Variants in SNX13 observed in about 807,000 individuals in gnomAD.
The protein encoded by SNX13 is sorting nexin-13.
In SNX13, 45 loss-of-function variants were observed where a neutral mutation model predicts 133.6. The ratio of observed to expected loss-of-function variants is 0.34; its 90% CI spans 0.27 to 0.43. SNX13 has a LOEUF of 0.43. SNX13 is among the 20% of genes least tolerant of loss of function. SNX13 has a pLI of 1.00. For missense variants in SNX13, 1,032 were observed against 1,145.1 expected, an observed-to-expected ratio of 0.90 and a Z score of 1.43; for synonymous variants, 414 against 373.9, an observed-to-expected ratio of 1.11 and a Z score of -1.24.
intron 9 of SNX13, among the ~76,000 whole-genome samples, chr7:17,863,202 G>T (rs978305259): frequency 6.6e-6 from 1 of 151,988 alleles, no homozygotes; most frequent in African/African-American, 2.4e-5. Context: ...CTTCACTTGC[G>T]CTGACTGACA....
intron 1 of SNX13, among the ~76,000 whole-genome samples, chr7:17,937,254 T>C (rs1218453824): frequency 1.3e-5 from 2 of 152,054 alleles, no homozygotes; most frequent in African/African-American, 4.8e-5. Context: ...AATGTACATA[T>C]TAGTTTGCTC....
intron 3 of SNX13, among the ~76,000 whole-genome samples, chr7:17,892,607 T>G (rs768733709): frequency 6.6e-6 from 1 of 152,030 alleles, no homozygotes; most frequent in Non-Finnish European, 1.5e-5. Flanking sequence ...TAAAAGTCAG[T>G]GGAATAGAGT....
At chr7:17,907,269 G>A (rs1306876907) in intron 1 of SNX13, 1 of 152,090 alleles carries the variant, frequency 6.6e-6, no homozygotes, top group Non-Finnish European at 1.5e-5. Flanking sequence ...AATCTTCTAA[G>A]CCCAGGGACT....
At position 17,850,416 on chromosome 7, in the gene SNX13, A is replaced by G; in HGVS notation, c.996T>C (p.Asn332=). 6.3e-7 allele frequency: 1 copy of G among 1,580,230 alleles called. No individual in the cohort carries two copies. Among genetic ancestry groups the G allele is most frequent in the South Asian group, 1.2e-5 (1 of 85,546 alleles). The stretch of plus-strand genomic sequence containing the variant: ...TTACGAATAGTAAGCTATTTATTTG[A>G]TTTTTGATAGTGTTGATATCTAAAA... ...TAGDDINTIK[N]QINSLLFVKK... The change falls in exon 11 of 26, where the codon AAT becomes AAC. Residue 332 remains asparagine, a synonymous_variant. Coordinates refer to ENST00000428135, the MANE Select transcript of SNX13 (RefSeq NM_015132.5).
At chr7:17,871,846 T>C (rs1794154087) in intron 8 of SNX13, among the ~76,000 whole-genome samples, 1 of 152,164 alleles carries the variant, frequency 6.6e-6, no homozygotes, top group East Asian at 1.9e-4. Flanking sequence ...TTGACATTGC[T>C]TGGCATGAAG....
chr7:17,893,081 C>G (rs183424816), intron 3 of SNX13, among the ~76,000 whole-genome samples: 10 of 152,192 alleles, frequency 6.6e-5, no homozygotes, highest in East Asian at 5.8e-4. Context: ...GAAAAATACC[C>G]AAAATAAACT....
intron 8 of SNX13, among the ~76,000 whole-genome samples, chr7:17,869,069 T>C (rs952600665): frequency 6.6e-6 from 1 of 152,120 alleles, no homozygotes; most frequent in Non-Finnish European, 1.5e-5. Flanking sequence ...TTCCCATTCT[T>C]TGCAGTTGTT....
chr7:17,886,631 G>C (rs1796024983), intron 5 of SNX13, among the ~76,000 whole-genome samples: 1 of 151,780 alleles, frequency 6.6e-6, no homozygotes, highest in Non-Finnish European at 1.5e-5. Flanking sequence ...GCTAATCTTG[G>C]GTTAAGGGGA....
intron 5 of SNX13, among the ~76,000 whole-genome samples, chr7:17,886,172 T>C (rs1173279278): frequency 1.3e-5 from 2 of 152,172 alleles, no homozygotes; most frequent in South Asian, 2.1e-4. Context: ...CCTGTGATAC[T>C]ATATCATTAG....
chr7:17,869,824 A>G (rs926686263), intron 8 of SNX13, among the ~76,000 whole-genome samples: 5 of 152,066 alleles, frequency 3.3e-5, no homozygotes, highest in African/African-American at 1.2e-4. Flanking sequence ...CTCTGGCCAC[A>G]TGTTCAAATT....
intron 16 of SNX13, among the ~76,000 whole-genome samples, chr7:17,829,092 A>AT (rs1307417788): frequency 3.3e-5 from 5 of 151,620 alleles, no homozygotes. Context: ...ACTAAAGGTT[A>AT]TAATACAGTA....
At chr7:17,834,896 T>C (rs1400896955) in intron 13 of SNX13, 31 bp from the exon 14 acceptor site, 1 of 1,284,078 alleles carries the variant, frequency 7.8e-7, no homozygotes, top group Admixed American at 1.9e-5. Flanking sequence ...TAATGATCTC[T>C]GTAATTTCTT....
Position 17,890,348 on chromosome 7 carries a change from A to G in SNX13, c.440+15T>C, listed in dbSNP as rs776460878. 2.5e-6 allele frequency: 4 copies of G among 1,601,424 alleles called. No individual in the cohort carries two copies. Among genetic ancestry groups the G allele is most frequent in the African/African-American group, 2.7e-5 (2 of 74,150 alleles). ...ATCTAAATTTTTCTGCATAAATACA[A>G]TGTCGTGTCCTTACCTAGTAGCAAA... On this transcript the variant is annotated intron_variant, in intron 5 of 25. Transcript: ENST00000428135.
At chr7:17,879,493 A>G (rs1933020151) in intron 5 of SNX13, 1 of 152,236 alleles carries the variant, frequency 6.6e-6, no homozygotes, top group Non-Finnish European at 1.5e-5. Context: ...ACTGTTTACA[A>G]TGGGTGTTTG....
chr7:17,878,912 T>C lies in SNX13; in HGVS notation c.441-3122A>G, dbSNP rs116225479. Among the ~76,000 whole-genome samples the C allele has an allele frequency of 3.2e-3, 487 of 152,280 alleles. 2 individuals carry two copies. The highest frequency in any genetic ancestry group is 0.011 in the African/African-American group (458 of 41,564). ...AGACTATTCCCTCTACCAAATTTGC[T>C]TGGCATTGCCTACTCTCCATAAATT... On this transcript the variant is annotated intron_variant, in intron 5 of 25. Coordinates refer to ENST00000428135, the MANE Select transcript of SNX13 (RefSeq NM_015132.5).
chr7:17,828,951 A>T (rs1389722245), intron 16 of SNX13, among the ~76,000 whole-genome samples: 1 of 151,586 alleles, frequency 6.6e-6, no homozygotes, highest in Non-Finnish European at 1.5e-5. Flanking sequence ...TTCAAGCTCT[A>T]GGAGCAATTC....
chr7:17,922,567 A>AT (rs1052868939), intron 1 of SNX13, among the ~76,000 whole-genome samples: 9 of 152,060 alleles, frequency 5.9e-5, no homozygotes, highest in Non-Finnish European at 8.8e-5. Context: ...CTAAATCGAG[A>AT]TTTTTTTCTT....
chr7:17,928,894 T>A (rs2128044931), intron 1 of SNX13, among the ~76,000 whole-genome samples: 1 of 152,248 alleles, frequency 6.6e-6, no homozygotes, highest in Non-Finnish European at 1.5e-5. Flanking sequence ...AGATAAGGGG[T>A]ATATGAGAAA....
Position 17,799,097 on chromosome 7 carries a change from A to C in SNX13, c.2356T>G (p.Leu786Val). 6.2e-7 allele frequency: 1 copy of C among 1,610,810 alleles called. No individual in the cohort carries two copies. Among genetic ancestry groups the C allele is most frequent in the Non-Finnish European group, 8.5e-7 (1 of 1,177,940 alleles). Reference sequence around the variant, plus strand: ...CGCAACCACTGATTTCTTTCTTTTAAGTCGAATACTTCATCCATGAGAAGC... The same window carrying C: ...CGCAACCACTGATTTCTTTCTTTTACGTCGAATACTTCATCCATGAGAAGC... ...MLLLMDEVFDLKERNQWLRRN... is the reference protein window; with the variant it reads ...MLLLMDEVFDVKERNQWLRRN... Residue 786 changes from leucine to valine, a missense_variant, in exon 23 of 26, where the codon TTA becomes GTA. By Grantham distance (32) the Leu-to-Val change is conservative. Coordinates refer to ENST00000428135, the MANE Select transcript of SNX13 (RefSeq NM_015132.5).
Sources: gnomAD v4.1 joint callset for allele counts (sites outside exome capture counted in the v4.1 genomes callset) on GRCh38, gnomAD v4.1.1 for gene constraint, MANE v1.5 for transcripts, NCBI Gene and HGNC (gene_info 2026-07-23, HGNC 2026-07-21) for gene names.